RAB3GAP2: variants seen among roughly 807,000 people sequenced by gnomAD.
The protein encoded by RAB3GAP2 is RAB3 GTPase activating non-catalytic protein subunit 2.
A neutral mutation model predicts 185.3 loss-of-function variants in RAB3GAP2; 87 were observed. The ratio of observed to expected loss-of-function variants is 0.47; its 90% CI spans 0.39 to 0.56. The LOEUF (loss-of-function observed/expected upper bound fraction) is 0.56. Ranked by LOEUF, RAB3GAP2 falls within the 20% of genes least tolerant of loss-of-function variation. RAB3GAP2 has a pLI of 0.00. For missense variants in RAB3GAP2, 1,492 were observed against 1,638.2 expected (o/e 0.91, Z 1.54); for synonymous variants, 554 against 576.1 (o/e 0.96, Z 0.55).
intron 24 of RAB3GAP2, among the ~76,000 whole-genome samples, chr1:220,169,384 T>A (rs1658132939): frequency 6.6e-6 from 1 of 152,196 alleles, no homozygotes; most frequent in Admixed American, 6.5e-5. Context: ...TAGAAAGTGA[T>A]GCTTCACAAC....
intron 17 of RAB3GAP2, among the ~76,000 whole-genome samples, chr1:220,188,245 T>C (rs567668541): frequency 2.0e-5 from 3 of 152,166 alleles, no homozygotes; most frequent in African/African-American, 7.2e-5. Flanking sequence ...AAATCAAGTA[T>C]TTGGTAAGGT....
intron 1 of RAB3GAP2, among the ~76,000 whole-genome samples, chr1:220,237,884 T>TA (rs372704690): frequency 0.021 from 2,847 of 133,306 alleles, 57 homozygotes; most frequent in African/African-American, 0.065. Context: ...TATTAAAAAG[T>TA]AAAAAAAAAA....
chr1:220,246,591 T>TA, intron 1 of RAB3GAP2, among the ~76,000 whole-genome samples: 1 of 105,718 alleles, frequency 9.5e-6, no homozygotes, highest in South Asian at 3.8e-4. Flanking sequence ...TATGCAGCCA[T>TA]AAAAAATGAT....
Position 220,167,568 on chromosome 1 carries a change from TG to T in RAB3GAP2, c.2913del (p.Glu973LysfsTer17). ...AGGAAACTTCTGTTAACACCTTCTTTGGGTTCATCTGGGTTTTCTGCATCTC... is the reference window on the plus strand; with the variant it reads ...AGGAAACTTCTGTTAACACCTTCTTTGGTTCATCTGGGTTTTCTGCATCTC... Reference protein sequence around the residue: ...EERDAENPDEPKEGVNRSFLE... With the variant: ...EERDAENPDEXKEGVNRSFLE... On this transcript the variant is annotated frameshift_variant, in exon 25 of 35. Transcript: ENST00000358951. LOFTEE classifies it high-confidence loss of function. 1 of 1,614,218 alleles carries T rather than the reference TG, an allele frequency of 6.2e-7. No individual in the cohort carries two copies. The highest frequency in any genetic ancestry group is 8.5e-7 in the Non-Finnish European group (1 of 1,180,016).
chr1:220,235,010 AAGT>A (rs777584816), intron 1 of RAB3GAP2, among the ~76,000 whole-genome samples: 78 of 152,284 alleles, frequency 5.1e-4, no homozygotes, highest in Non-Finnish European at 8.7e-4. Context: ...TGGAGAGTTT[AAGT>A]AGTTCGACCA....
chr1:220,212,411 T>G (rs1659100268), intron 4 of RAB3GAP2, among the ~76,000 whole-genome samples: 1 of 152,242 alleles, frequency 6.6e-6, no homozygotes, highest in African/African-American at 2.4e-5. Flanking sequence ...ATTTGCTGAT[T>G]GAATCATTCT....
intron 1 of RAB3GAP2, among the ~76,000 whole-genome samples, chr1:220,243,170 T>C (rs772384874): frequency 1.6e-4 from 25 of 152,042 alleles, no homozygotes; most frequent in South Asian, 4.1e-4. Flanking sequence ...CTGGCTAACA[T>C]GGTGAAATCC....
At position 220,262,497 on chromosome 1, in the gene RAB3GAP2, T is replaced by C. The variant is rs564318160; in HGVS notation, c.115+9726A>G. On this transcript the variant is annotated intron_variant, in intron 1 of 34. Transcript: ENST00000358951. ...CGTTCTCCCTTTCCTCAGCCTCTGGTAACCGCCATTCTATTTTTTGTTTCT... is the reference window on the plus strand; with the variant it reads ...CGTTCTCCCTTTCCTCAGCCTCTGGCAACCGCCATTCTATTTTTTGTTTCT... Among the ~76,000 whole-genome samples, 6 of 152,322 alleles carry C rather than the reference T, an allele frequency of 3.9e-5. No homozygotes were observed. In the South Asian group the frequency reaches 1.2e-3, roughly 32 times the overall value.
intron 8 of RAB3GAP2, among the ~76,000 whole-genome samples, chr1:220,202,917 C>T (rs548436519): frequency 7.9e-5 from 12 of 152,112 alleles, no homozygotes; most frequent in African/African-American, 2.9e-4. Flanking sequence ...CACTCCAGCC[C>T]GGGTAAGAGA....
chr1:220,152,745 C>T (rs773228483), intron 33 of RAB3GAP2, among the ~76,000 whole-genome samples: 16 of 152,178 alleles, frequency 1.1e-4, no homozygotes, highest in South Asian at 2.1e-4. Flanking sequence ...TTTTTAGAGA[C>T]GGGGTCTCGC....
At position 220,159,282 on chromosome 1, in the gene RAB3GAP2, T is replaced by A. The variant is rs566019123; in HGVS notation, c.3261+104A>T. 49 of 947,248 alleles carry A rather than the reference T, an allele frequency of 5.2e-5. No individual in the cohort carries two copies. The African/African-American group carries it at 7.4e-4, about 14-fold the overall frequency. The allele number at this position is 947,248 out of a possible 1,614,324, so 58.7% of individuals were successfully genotyped here. ...ATTTTTCTTATCTCCTTCTGATACG[T>A]CATCACAATGATAAAAGGCAAAGTT... is the stretch of plus-strand genomic sequence containing the variant. On this transcript the variant is annotated intron_variant, in intron 29 of 34. Coordinates refer to ENST00000358951, the MANE Select transcript of RAB3GAP2 (RefSeq NM_012414.4).
chr1:220,233,512 T>C (rs1659537776), intron 1 of RAB3GAP2, among the ~76,000 whole-genome samples: 1 of 152,206 alleles, frequency 6.6e-6, no homozygotes, highest in Non-Finnish European at 1.5e-5. Flanking sequence ...GGTTTTTACA[T>C]AGTCATCTTT....
intron 24 of RAB3GAP2, among the ~76,000 whole-genome samples, chr1:220,170,580 A>G (rs1286961082): frequency 6.6e-6 from 1 of 152,170 alleles, no homozygotes; most frequent in Non-Finnish European, 1.5e-5. Context: ...TTTTGGTTGA[A>G]GTATAAGAGG....
At chr1:220,238,468 T>A (rs997576075) in intron 1 of RAB3GAP2, among the ~76,000 whole-genome samples, 1 of 152,208 alleles carries the variant, frequency 6.6e-6, no homozygotes, top group Admixed American at 6.5e-5. Flanking sequence ...GGGCAATTTA[T>A]TTAATTTCTT....
At chr1:220,172,599 A>G in intron 22 of RAB3GAP2, 38 bp downstream of exon 22, 1 of 1,407,372 alleles carries the variant, frequency 7.1e-7, no homozygotes, top group Non-Finnish European at 1.0e-6. Flanking sequence ...CATTTCAAAC[A>G]CGAAACTTTG....
In RAB3GAP2 at chr1:220,272,207, C is replaced by T. The variant is rs1183657418; in HGVS notation, c.115+16G>A. ...GGTGACGAGGGAAGGAAGGGCGAGG[C>T]CAGAGAGGCACTTACTGGGGTCCCT... On this transcript the variant is annotated intron_variant, in intron 1 of 34. Transcript: ENST00000358951. 1.3e-6 allele frequency: 2 copies of T among 1,584,978 alleles called. No individual in the cohort carries two copies. The highest frequency in any genetic ancestry group is 1.7e-6 in the Non-Finnish European group (2 of 1,163,118).
chr1:220,253,647 TG>T (rs1659979966), intron 1 of RAB3GAP2: 1 of 1,592,682 alleles, frequency 6.3e-7, no homozygotes, highest in Admixed American at 1.7e-5. Context: ...CTCTTCTTTA[TG>T]AAGCAAAGTG....
At chr1:220,263,283 C>A (rs1029074799) in intron 1 of RAB3GAP2, among the ~76,000 whole-genome samples, 1 of 151,976 alleles carries the variant, frequency 6.6e-6, no homozygotes, top group Non-Finnish European at 1.5e-5. Flanking sequence ...TCCTTTGATG[C>A]ACAAAGTTTT....
Position 220,189,735 on chromosome 1 carries a change from G to A in RAB3GAP2, c.1747C>T (p.Leu583Phe), listed in dbSNP as rs1001804770. The A allele has an allele frequency of 6.5e-7, 1 of 1,544,314 alleles. No individual in the cohort carries two copies. The highest frequency in any genetic ancestry group is 8.8e-7 in the Non-Finnish European group (1 of 1,130,122). ...LVETEIKELILDIKYPATKKQ... is the reference protein window; with the variant it reads ...LVETEIKELIFDIKYPATKKQ... ...TTGGTTGCAGGGTATTTAATATCAA[G>A]AATTAATTCCTTTATTTCTGTTTCA... Residue 583 changes from leucine (L) to phenylalanine (F), a missense_variant, in exon 17 of 35, where the codon CTT becomes TTT. Physicochemically the swap from Leu to Phe is conservative, Grantham distance 22. Around this residue, in one of 5 missense-constraint regions of RAB3GAP2, gnomAD observed 681 missense variants for 689.1 expected, o/e 0.99. Transcript: ENST00000358951.
Sources: allele counts gnomAD v4.1 joint callset (sites outside exome capture counted in the v4.1 genomes callset), GRCh38; gene constraint gnomAD v4.1.1; regional missense constraint gnomAD v4.1.1; transcripts MANE v1.5; gene names NCBI Gene and HGNC (gene_info 2026-07-23, HGNC 2026-07-21).